The following FILIP1L variants were observed in gnomAD, a reference collection of about 807,000 sequenced individuals.
The protein encoded by FILIP1L is filamin A-interacting protein 1-like.
Under a neutral mutation model 96.6 loss-of-function variants are expected in FILIP1L, and 55 were observed. The observed-to-expected ratio is 0.57, with a 90% CI of 0.46 to 0.71. The LOEUF is 0.71. Among genes scored for constraint, FILIP1L ranks in the 30% least tolerant of loss-of-function variants. FILIP1L has a pLI of 0.00. For synonymous variants in FILIP1L, 467 were observed against 473.9 expected (o/e 0.99, Z 0.19); for missense variants, 1,304 against 1,321.2 (o/e 0.99, Z 0.20).
chr3:99,833,300 A>C (rs751154655), intron 5 of FILIP1L: 2 of 1,548,536 alleles, frequency 1.3e-6, no homozygotes, highest in South Asian at 1.1e-5. Flanking sequence ...AATTTGTGGA[A>C]TATATTAAAT....
intron 4 of FILIP1L, among the ~76,000 whole-genome samples, chr3:99,855,898 G>A (rs141498155): frequency 6.6e-6 from 1 of 151,978 alleles, no homozygotes; most frequent in African/African-American, 2.4e-5. Flanking sequence ...TTAACAAATC[G>A]GACAGCCAAA....
intron 1 of FILIP1L, among the ~76,000 whole-genome samples, chr3:100,113,086 G>A (rs912181764): frequency 6.6e-6 from 1 of 152,180 alleles, no homozygotes; most frequent in African/African-American, 2.4e-5. Flanking sequence ...CAGTGTATGT[G>A]TTGCACCTCT....
At chr3:99,906,882 C>T (rs779298283) in intron 4 of FILIP1L, among the ~76,000 whole-genome samples, 4 of 152,074 alleles carry the variant, frequency 2.6e-5, no homozygotes, top group Admixed American at 6.6e-5. Context: ...CCTACCATGC[C>T]CTATAACAGA....
rs1943603109 is a variant in FILIP1L at position 99,850,196 on chromosome 3, T to G, written c.1480A>C (p.Lys494Gln). Residue 494 changes from lysine to glutamine, a missense_variant, in exon 5 of 6, where the codon AAA (lysine) becomes CAA (glutamine). Coordinates refer to ENST00000477258, the MANE Select transcript of FILIP1L (RefSeq NM_001387850.1). ...FTLKEDLTKL[K>Q]TLTVMFVDER... ...TCTACAAACATCACAGTTAATGTTT[T>G]CAGTTTAGTTAAATCCTCTTTTAGA... The G allele has an allele frequency of 1.2e-6, 2 of 1,612,438 alleles. No homozygotes were observed. Among genetic ancestry groups the G allele is most frequent in the East Asian group, 4.5e-5 (2 of 44,862 alleles).
At chr3:100,010,919 G>A (rs944406986) in intron 1 of FILIP1L, among the ~76,000 whole-genome samples, 2 of 151,282 alleles carry the variant, frequency 1.3e-5, no homozygotes, top group African/African-American at 4.9e-5. Flanking sequence ...GAGCCACCGC[G>A]CCCAGCTGAG....
intron 1 of FILIP1L, among the ~76,000 whole-genome samples, chr3:99,983,411 T>TAC (rs1396694852): frequency 2.8e-5 from 3 of 108,546 alleles, no homozygotes; most frequent in African/African-American, 1.2e-4. Flanking sequence ...TATATATATA[T>TAC]ATATATATGT....
At chr3:100,049,630 C>A (rs1002366726) in intron 1 of FILIP1L, among the ~76,000 whole-genome samples, 1 of 152,178 alleles carries the variant, frequency 6.6e-6, no homozygotes, top group Non-Finnish European at 1.5e-5. Context: ...TGAACTCTGT[C>A]GACTTCTGCC....
chr3:100,057,003 CA>C (rs551968595), intron 1 of FILIP1L, among the ~76,000 whole-genome samples: 2,468 of 147,028 alleles, frequency 0.017, 38 homozygotes, highest in Non-Finnish European at 0.026. Flanking sequence ...GACTCTGTCT[CA>C]AAAAAAAAAG....
At chr3:100,045,269 C>T (rs1207191572) in intron 1 of FILIP1L, among the ~76,000 whole-genome samples, 2 of 152,202 alleles carry the variant, frequency 1.3e-5, no homozygotes, top group Non-Finnish European at 2.9e-5. Context: ...CAGCACATAG[C>T]ACAGTATCTA....
At chr3:99,915,446 A>T (rs1018001038) in intron 4 of FILIP1L, among the ~76,000 whole-genome samples, 1 of 152,142 alleles carries the variant, frequency 6.6e-6, no homozygotes, top group Non-Finnish European at 1.5e-5. Context: ...TAGTGTGAGG[A>T]TTTTTGACAG....
At chr3:100,108,426 A>G (rs752989348) in intron 1 of FILIP1L, among the ~76,000 whole-genome samples, 13 of 152,150 alleles carry the variant, frequency 8.5e-5, no homozygotes, top group Non-Finnish European at 1.9e-4. Flanking sequence ...TCTGCATTTT[A>G]TGGCTGAGGA....
intron 5 of FILIP1L, among the ~76,000 whole-genome samples, chr3:99,843,995 C>T (rs1370943434): frequency 1.4e-5 from 2 of 141,190 alleles, no homozygotes; most frequent in Non-Finnish European, 1.6e-5. Context: ...ATCCCCCCAA[C>T]CCCCCGCCCA....
Position 100,060,640 on chromosome 3 carries a change from A to G in FILIP1L, c.-11+53413T>C, listed in dbSNP as rs148325087. On this transcript the variant is annotated intron_variant, in intron 1 of 5. Coordinates refer to ENST00000477258, the MANE Select transcript of FILIP1L (RefSeq NM_001387850.1). ...GAGGCTGAAGCAGACAGATACCTTG[A>G]GCTCACAAATTTGAGACCAGCCTGG... is the stretch of plus-strand genomic sequence containing the variant. Among the ~76,000 whole-genome samples the G allele has an allele frequency of 4.3e-3, 657 of 152,192 alleles. 7 individuals carry two copies. The highest frequency in any genetic ancestry group is 0.016 in the African/African-American group (644 of 41,538).
chr3:99,946,662 C>T (rs1708017190), intron 1 of FILIP1L, among the ~76,000 whole-genome samples: 1 of 152,170 alleles, frequency 6.6e-6, no homozygotes, highest in African/African-American at 2.4e-5. Flanking sequence ...TTACCATGCA[C>T]ATCATAATTA....
intron 1 of FILIP1L, among the ~76,000 whole-genome samples, chr3:100,022,698 C>T (rs2064847454): frequency 6.6e-6 from 1 of 152,110 alleles, no homozygotes. Context: ...AGGTAGAAAA[C>T]CTAAGGTTCT....
intron 1 of FILIP1L, among the ~76,000 whole-genome samples, chr3:100,061,420 C>T (rs368159141): frequency 6.6e-6 from 1 of 152,192 alleles, no homozygotes; most frequent in Non-Finnish European, 1.5e-5. Flanking sequence ...GTAGGCAATT[C>T]TTGGTTATTC....
chr3:99,897,297 G>T (rs911814779), intron 4 of FILIP1L, among the ~76,000 whole-genome samples: 1 of 152,000 alleles, frequency 6.6e-6, no homozygotes, highest in African/African-American at 2.4e-5. Context: ...AGGCCTCCGC[G>T]GGAGGAGGTT....
chr3:99,841,436 A>G (rs181746453), intron 5 of FILIP1L, among the ~76,000 whole-genome samples: 52 of 152,298 alleles, frequency 3.4e-4, no homozygotes, highest in Non-Finnish European at 5.0e-4. Context: ...AGACCTTTCT[A>G]AAAGGTCCTC....
intron 4 of FILIP1L, among the ~76,000 whole-genome samples, chr3:99,914,739 G>A (rs1706899155): frequency 6.6e-6 from 1 of 152,100 alleles, no homozygotes; most frequent in Non-Finnish European, 1.5e-5. Flanking sequence ...TAATCAGAAA[G>A]GCATAAAAAT....
Sources: gnomAD v4.1 joint callset for allele counts (sites outside exome capture counted in the v4.1 genomes callset) on GRCh38, gnomAD v4.1.1 for gene constraint, MANE v1.5 for transcripts, NCBI Gene and HGNC (gene_info 2026-07-23, HGNC 2026-07-21) for gene names.